Variants in TUBA4B observed in about 807,000 individuals in gnomAD.
TUBA4B encodes tubulin-like protein alpha-4B.
In TUBA4B, 13 loss-of-function variants were observed where a neutral mutation model predicts 18.4. The observed-to-expected ratio is 0.71, with a 90% CI of 0.46 to 1.12. The LOEUF is 1.12. TUBA4B is among the 50% of genes most tolerant of loss of function. The probability of loss-of-function intolerance (pLI) is 0.00; values close to 1 mark genes in which losing one functional copy is unlikely to be tolerated. For synonymous variants in TUBA4B, 101 were observed against 99.1 expected, an observed-to-expected ratio of 1.02 and a Z score of -0.11; for missense variants, 244 against 250.0, an observed-to-expected ratio of 0.98 and a Z score of 0.16.
At chr2:219,255,443 G>A (rs1311387294) in intron 1 of TUBA4B, among the ~76,000 whole-genome samples, 7 of 152,128 alleles carry the variant, frequency 4.6e-5, no homozygotes, top group Non-Finnish European at 7.4e-5. Context: ...ATGTTGGTCA[G>A]GCTGGTCTCC....
intron 1 of TUBA4B, among the ~76,000 whole-genome samples, chr2:219,260,260 G>A (rs6707873): frequency 0.042 from 6,366 of 150,670 alleles, 259 homozygotes; most frequent in East Asian, 0.11. Flanking sequence ...AATATATGAG[G>A]TTTTATTATA....
intron 1 of TUBA4B, among the ~76,000 whole-genome samples, chr2:219,259,519 C>T (rs1422293648): frequency 6.6e-6 from 1 of 152,074 alleles, no homozygotes; most frequent in African/African-American, 2.4e-5. Flanking sequence ...TAGACATTCA[C>T]AGACATGTAC....
Position 219,271,593 on chromosome 2 carries a change from C to T in TUBA4B, c.620C>T (p.Pro207Leu), listed in dbSNP as rs747117466. The change falls in exon 4 of 4, where the codon CCC (proline) becomes CTC (leucine). Residue 207 changes from proline to leucine, a missense_variant. Pro to Leu is a moderately conservative substitution (Grantham distance 98). Coordinates refer to ENST00000490341, the MANE Select transcript of TUBA4B (RefSeq NM_001355221.1). The part of the protein sequence containing the change: ...NLVSYLTSTS[P>L]WPPMHQSSLQ... ...GTGTCCTACCTCACATCCACTTCCC[C>T]CTGGCCACCTATGCACCAGTCATCT... The T allele has an allele frequency of 6.2e-7, 1 of 1,614,074 alleles. No individual in the cohort carries two copies. Among genetic ancestry groups the T allele is most frequent in the Non-Finnish European group, 8.5e-7 (1 of 1,180,030 alleles).
chr2:219,269,659 C>T (rs748491926), intron 2 of TUBA4B, among the ~76,000 whole-genome samples: 9 of 152,134 alleles, frequency 5.9e-5, no homozygotes, highest in South Asian at 2.1e-4. Flanking sequence ...TGGGGCAGGC[C>T]GGTGTGCAGT....
chr2:219,255,904 A>G (rs1210783721), intron 1 of TUBA4B, among the ~76,000 whole-genome samples: 1 of 152,250 alleles, frequency 6.6e-6, no homozygotes, highest in African/African-American at 2.4e-5. Flanking sequence ...ATAGTGAAAT[A>G]TGACAAGGTC....
intron 1 of TUBA4B, among the ~76,000 whole-genome samples, chr2:219,262,322 A>AAAAAC (rs527615788): frequency 0.024 from 3,640 of 152,262 alleles, 141 homozygotes; most frequent in African/African-American, 0.081. Context: ...ACTCTGTCTC[A>AAAAAC]AAAACAAAAC....
intron 2 of TUBA4B, among the ~76,000 whole-genome samples, chr2:219,268,105 CTTTTTTT>C (rs544596055): frequency 1.7e-5 from 2 of 118,734 alleles, no homozygotes; most frequent in Non-Finnish European, 1.7e-5. Context: ...AACTCATTAT[CTTTTTTT>C]TTTTTTTTTT....
At chr2:219,264,364 G>T (rs1037481057) in intron 1 of TUBA4B, among the ~76,000 whole-genome samples, 13 of 151,948 alleles carry the variant, frequency 8.6e-5, no homozygotes, top group African/African-American at 3.1e-4. Context: ...GGAGGCTGAG[G>T]TGGGAGAATT....
chr2:219,267,628 A>G (rs1320838304), intron 2 of TUBA4B, among the ~76,000 whole-genome samples: 3 of 150,530 alleles, frequency 2.0e-5, no homozygotes, highest in Admixed American at 1.3e-4. Context: ...GCAGTGGCGC[A>G]ATCTCGGCTC....
At chr2:219,258,754 A>T (rs1015977441) in intron 1 of TUBA4B, among the ~76,000 whole-genome samples, 20 of 152,158 alleles carry the variant, frequency 1.3e-4, no homozygotes, top group Admixed American at 2.6e-4. Flanking sequence ...ACAACAATAG[A>T]GGTATGTGGA....
Position 219,253,411 on chromosome 2 carries a change from C to T in TUBA4B, c.4C>T (p.Arg2Trp), listed in dbSNP as rs1470360770. Residue 2 changes from arginine (R) to tryptophan (W), a missense_variant, in exon 1 of 4, where the codon CGG (arginine) becomes TGG (tryptophan). Coordinates refer to ENST00000490341, the MANE Select transcript of TUBA4B (RefSeq NM_001355221.1). ...TGCATACACAGAGGAAAGGGGGATG[C>T]GGCACCAGGTAACCTGACCCCTTCC... Reference protein sequence around the residue: MRHQQTERQDPS... With the variant: MWHQQTERQDPS... 3.3e-6 allele frequency: 5 copies of T among 1,528,896 alleles called. No homozygotes were observed. Among genetic ancestry groups the T allele is most frequent in the Non-Finnish European group, 4.4e-6 (5 of 1,140,648 alleles). 94.7% of individuals were successfully genotyped at this position (1,528,896 alleles called of 1,614,324 possible). A position where few individuals can be genotyped will look rare whatever the true frequency, so the allele number is the denominator to read the frequency against.
chr2:219,267,578 TTTG>T (rs1951797790), intron 2 of TUBA4B, among the ~76,000 whole-genome samples: 1 of 149,844 alleles, frequency 6.7e-6, no homozygotes, highest in Non-Finnish European at 1.5e-5. Context: ...AGTTCTTTTT[TTTG>T]TTTTTTTTTT....
At chr2:219,265,929 GAA>G (rs1363036684) in intron 1 of TUBA4B, among the ~76,000 whole-genome samples, 1 of 152,208 alleles carries the variant, frequency 6.6e-6, no homozygotes, top group Non-Finnish European at 1.5e-5. Flanking sequence ...TCCAGAGAGA[GAA>G]AAAAAAAGAA....
intron 1 of TUBA4B, among the ~76,000 whole-genome samples, chr2:219,263,762 CAG>C (rs1178607127): frequency 6.6e-6 from 1 of 152,198 alleles, no homozygotes; most frequent in African/African-American, 2.4e-5. Context: ...AGGTGGGAGA[CAG>C]AAGAGTTCTA....
At chr2:219,270,913 A>T (rs77331047) in intron 3 of TUBA4B, among the ~76,000 whole-genome samples, 11,167 of 149,340 alleles carry the variant, frequency 0.075, 1,367 homozygotes, top group East Asian at 0.56. Context: ...AACTCCACCC[A>T]CCATCATACC....
chr2:219,269,655 AGGCC>A (rs1224305809), intron 2 of TUBA4B, among the ~76,000 whole-genome samples: 5 of 152,170 alleles, frequency 3.3e-5, no homozygotes, highest in African/African-American at 9.7e-5. Context: ...CACGTGGGGC[AGGCC>A]GGTGTGCAGT....
rs888797837 is a variant in TUBA4B, at chr2:219,270,144, G to A, written c.59-58G>A. 3 of 689,886 alleles carry A rather than the reference G, an allele frequency of 4.3e-6. No individual in the cohort carries two copies. In the Admixed American group the frequency reaches 6.0e-5, roughly 14 times the overall value. 42.7% of individuals were successfully genotyped at this position (689,886 alleles called of 1,614,324 possible). A position where few individuals can be genotyped will look rare whatever the true frequency, so the allele number is the denominator to read the frequency against. The stretch of plus-strand genomic sequence containing the variant: ...CAGGTCCCCTGGGGCTCCAGCAGCT[G>A]GATTGCAAAGGGAGGTGGGGCCCAA... On this transcript the variant is annotated intron_variant, in intron 2 of 3. Transcript: ENST00000490341.
chr2:219,253,944 T>C, intron 1 of TUBA4B: 2 of 987,526 alleles, frequency 2.0e-6, no homozygotes, highest in Non-Finnish European at 2.7e-6. Flanking sequence ...GCACCGCCCT[T>C]ATAGGCGGGG....
intron 2 of TUBA4B, among the ~76,000 whole-genome samples, chr2:219,267,609 T>TTG (rs1431493444): frequency 6.6e-6 from 1 of 150,724 alleles, no homozygotes; most frequent in Non-Finnish European, 1.5e-5. Context: ...CGGAGTCTCA[T>TTG]TCTGGAGTGC....
Sources: gnomAD v4.1 joint callset for allele counts (sites outside exome capture counted in the v4.1 genomes callset) on GRCh38, gnomAD v4.1.1 for gene constraint, MANE v1.5 for transcripts, NCBI Gene and HGNC (gene_info 2026-07-23, HGNC 2026-07-21) for gene names.